The following SNW1 variants were observed in gnomAD, a reference collection of about 807,000 sequenced individuals.
SNW1 encodes the protein SNW domain containing 1.
A neutral mutation model predicts 75.6 loss-of-function variants in SNW1; 9 were observed. The observed-to-expected ratio is 0.12, with a 90% CI of 0.07 to 0.21. SNW1 has a LOEUF of 0.21. SNW1 is among the 10% of genes least tolerant of loss of function. The pLI is 1.00. For synonymous variants in SNW1, 200 were observed against 219.1 expected (o/e 0.91, Z 0.77); for missense variants, 409 against 670.9 (o/e 0.61, Z 4.31).
Position 77,741,742 on chromosome 14 carries a change from G to T in SNW1, c.331-2681C>A, listed in dbSNP as rs183140222. Among the ~76,000 whole-genome samples, 16 of 151,940 alleles carry T rather than the reference G, an allele frequency of 1.1e-4. No homozygotes were observed. In the East Asian group the frequency reaches 3.1e-3, roughly 29 times the overall value. Reference sequence around the variant, plus strand: ...AGCTGAAAATTATATAACAACACAAGAAAAAAATACCAATTCTATGAAGAG... The same window carrying T: ...AGCTGAAAATTATATAACAACACAATAAAAAAATACCAATTCTATGAAGAG... On this transcript the variant is annotated intron_variant, in intron 3 of 13. Coordinates refer to ENST00000261531, the MANE Select transcript of SNW1 (RefSeq NM_012245.3).
intron 10 of SNW1, among the ~76,000 whole-genome samples, chr14:77,724,758 CACA>C (rs2080571419): frequency 6.6e-6 from 1 of 152,196 alleles, no homozygotes; most frequent in Non-Finnish European, 1.5e-5. Context: ...ACCCACTGGA[CACA>C]ACTTGATTCC....
rs1003226229 is a variant in SNW1 at position 77,735,942 on chromosome 14, G to A, written c.703C>T (p.Arg235Ter). The change falls in exon 7 of 14, where the codon CGA becomes TGA. Residue 235 changes from arginine to a stop codon, truncating the protein, a stop_gained. Coordinates refer to ENST00000261531, the MANE Select transcript of SNW1 (RefSeq NM_012245.3). LOFTEE classifies it high-confidence loss of function. ...PPAPVMHSPS[R>*]KMTVKEQQEW... ...TGGACTACAGCAAAGAATACCTTTC[G>A]GCTAGGAGAATGCATGACAGGCGCA... 4 of 1,612,978 alleles carry A rather than the reference G, an allele frequency of 2.5e-6. No individual in the cohort carries two copies. Among genetic ancestry groups the A allele is most frequent in the Non-Finnish European group, 3.4e-6 (4 of 1,179,242 alleles).
intron 12 of SNW1, among the ~76,000 whole-genome samples, chr14:77,719,664 A>AAAG (rs2080522763): frequency 6.6e-6 from 1 of 152,136 alleles, no homozygotes; most frequent in Non-Finnish European, 1.5e-5. Flanking sequence ...AAACAAAAAA[A>AAAG]ACTTTGAAAT....
intron 1 of SNW1, among the ~76,000 whole-genome samples, chr14:77,757,959 T>TCTATCG (rs573817429): frequency 1.2e-4 from 10 of 81,348 alleles, no homozygotes; most frequent in Non-Finnish European, 2.2e-4. Context: ...TCTATCGCAA[T>TCTATCG]CAATCAATCA....
intron 3 of SNW1, 27 bp from the exon 4 acceptor site, chr14:77,739,088 T>G (rs1384611983): frequency 3.9e-6 from 6 of 1,552,602 alleles, no homozygotes; most frequent in Non-Finnish European, 5.3e-6. Context: ...CAAGCAGGCT[T>G]AAGAAAAGCA....
At chr14:77,756,965 G>A (rs2080846472) in intron 1 of SNW1, among the ~76,000 whole-genome samples, 1 of 152,146 alleles carries the variant, frequency 6.6e-6, no homozygotes, top group South Asian at 2.1e-4. Context: ...CTTTAGTCAA[G>A]GTAACCTTTC....
chr14:77,749,150 A>T (rs560164690), intron 3 of SNW1, among the ~76,000 whole-genome samples: 1 of 152,352 alleles, frequency 6.6e-6, no homozygotes, highest in African/African-American at 2.4e-5. Context: ...ACACAGATTG[A>T]ACAGTCATCA....
chr14:77,725,130 C>T (rs1236342665), intron 10 of SNW1, among the ~76,000 whole-genome samples: 3 of 152,162 alleles, frequency 2.0e-5, no homozygotes, highest in South Asian at 2.1e-4. Flanking sequence ...CACCTGTTGG[C>T]CATAAGTATG....
At chr14:77,722,900 A>G (rs753494858) in intron 11 of SNW1, 6 of 416,428 alleles carry the variant, frequency 1.4e-5, no homozygotes, top group Non-Finnish European at 1.8e-5. Flanking sequence ...GCTGGAATGC[A>G]GTGGCGTGAT....
Position 77,739,998 on chromosome 14 carries a change from G to A in SNW1, c.331-937C>T, listed in dbSNP as rs2080704426. On this transcript the variant is annotated intron_variant, in intron 3 of 13. Coordinates refer to ENST00000261531, the MANE Select transcript of SNW1 (RefSeq NM_012245.3). The stretch of plus-strand genomic sequence containing the variant: ...AAATACAAAAAATTAGCCAGTTGTG[G>A]TGGCAGGCGCCTGTAGTCCCAGCTA... Among the ~76,000 whole-genome samples, 4 of 151,990 alleles carry A rather than the reference G, an allele frequency of 2.6e-5. No individual in the cohort carries two copies. In the South Asian group the frequency reaches 8.3e-4, roughly 32 times the overall value.
chr14:77,750,669 A>G (rs1013820700), intron 3 of SNW1, among the ~76,000 whole-genome samples: 28 of 5,402 alleles, frequency 5.2e-3, no homozygotes, highest in Non-Finnish European at 0.012. Context: ...ATTTACAAGA[A>G]AAAAAAAAAA....
rs1318950629 is a variant in SNW1, at chr14:77,718,356, T to A, written c.1412+11A>T. 3 of 1,614,228 alleles carry A rather than the reference T, an allele frequency of 1.9e-6. No individual in the cohort carries two copies. The African/African-American group carries it at 4.0e-5, about 22-fold the overall frequency. On this transcript the variant is annotated intron_variant, in intron 13 of 13. Coordinates refer to ENST00000261531, the MANE Select transcript of SNW1 (RefSeq NM_012245.3). Reference sequence around the variant, plus strand: ...GTGTAAACACTGAAATTGAGTTGTATGGCTTGGCACCTGTTGGTCTTTATT... The same window carrying A: ...GTGTAAACACTGAAATTGAGTTGTAAGGCTTGGCACCTGTTGGTCTTTATT...
chr14:77,717,670 A>T lies in SNW1; in HGVS notation c.*418T>A. 1 of 1,101,080 alleles carries T rather than the reference A, an allele frequency of 9.1e-7. No individual in the cohort carries two copies. Among genetic ancestry groups the T allele is most frequent in the Non-Finnish European group, 1.3e-6 (1 of 754,192 alleles). 68.2% of individuals were successfully genotyped at this position (1,101,080 alleles called of 1,614,324 possible). A position where few individuals can be genotyped will look rare whatever the true frequency, so the allele number is the denominator to read the frequency against. On this transcript the variant is annotated 3_prime_UTR_variant, in exon 14 of 14. Coordinates refer to ENST00000261531, the MANE Select transcript of SNW1 (RefSeq NM_012245.3). ...GAGGTTACTTTGCCCACTCCAAATT[A>T]AAACAGAGCACAATAGGGGCAAAAT...
In SNW1 at chr14:77,755,047, G is replaced by A. The variant is rs766264458; in HGVS notation, c.88C>T (p.Arg30Trp). ...CGGGAGGAGACCAGTGAGGTCTGCCGTGATCTCTGGGATCTTGCCTTTTCT... is the reference window on the plus strand; with the variant it reads ...CGGGAGGAGACCAGTGAGGTCTGCCATGATCTCTGGGATCTTGCCTTTTCT... ...AEEKARSQRS[R>W]QTSLVSSRRE... Residue 30 changes from arginine (R) to tryptophan (W), a missense_variant, in exon 2 of 14, where the codon CGG becomes TGG. By Grantham distance (101) the Arg-to-Trp change is moderately radical. This residue lies in a region of SNW1 where 73 missense variants were observed against 68.3 expected (regional missense o/e 1.07). Coordinates refer to ENST00000261531, the MANE Select transcript of SNW1 (RefSeq NM_012245.3). 4.3e-6 allele frequency: 7 copies of A among 1,612,398 alleles called. No homozygotes were observed. The highest frequency in any genetic ancestry group is 2.2e-5 in the East Asian group (1 of 44,894).
intron 1 of SNW1, among the ~76,000 whole-genome samples, chr14:77,755,892 C>A (rs1382396930): frequency 2.6e-5 from 4 of 152,070 alleles, no homozygotes; most frequent in East Asian, 1.9e-4. Context: ...ATGTGCAGCA[C>A]CACGCCCACC....
At chr14:77,723,339 A>C (rs555671308) in intron 10 of SNW1, 62 bp from the exon 11 acceptor site, 116 of 1,214,034 alleles carry the variant, frequency 9.6e-5, no homozygotes, top group African/African-American at 4.5e-4. Context: ...ATACGTGTAC[A>C]CGTGTGTATA....
At chr14:77,749,368 A>G (rs957048505) in intron 3 of SNW1, among the ~76,000 whole-genome samples, 1 of 152,224 alleles carries the variant, frequency 6.6e-6, no homozygotes, top group Non-Finnish European at 1.5e-5. Flanking sequence ...GAAAGTGAAG[A>G]AACAGGGCAA....
rs2080625100 is a variant in SNW1, at chr14:77,731,272, TC to T, written c.892-144del. 6 of 921,994 alleles carry T rather than the reference TC, an allele frequency of 6.5e-6. No homozygotes were observed. The Middle Eastern group carries it at 1.1e-3, about 172-fold the overall frequency. 57.1% of individuals were successfully genotyped at this position (921,994 alleles called of 1,614,324 possible). On this transcript the variant is annotated intron_variant, in intron 9 of 13. Transcript: ENST00000261531. ...TTGCTAATTAAAACAAAGAGTCTTG[TC>T]CACTAAAAGATATCCTGCCTGGAAG... is the stretch of plus-strand genomic sequence containing the variant.
At chr14:77,736,324 G>T (rs2080671220) in intron 6 of SNW1, among the ~76,000 whole-genome samples, 1 of 152,174 alleles carries the variant, frequency 6.6e-6, no homozygotes, top group Non-Finnish European at 1.5e-5. Flanking sequence ...AAGGTGGGCA[G>T]ATCGCCTGAC....
Sources: gnomAD v4.1 joint callset for allele counts (sites outside exome capture counted in the v4.1 genomes callset) on GRCh38, gnomAD v4.1.1 for gene constraint, gnomAD v4.1.1 regional missense constraint, MANE v1.5 for transcripts, NCBI Gene and HGNC (gene_info 2026-07-23, HGNC 2026-07-21) for gene names.